The following TSHZ2 variants were observed in gnomAD, a reference collection of about 807,000 sequenced individuals.
The protein encoded by TSHZ2 is teashirt homolog 2.
A neutral mutation model predicts 74.4 loss-of-function variants in TSHZ2; 21 were observed. That is an observed-to-expected ratio of 0.28 (90% CI 0.20 to 0.41). The LOEUF (loss-of-function observed/expected upper bound fraction) is 0.41, where lower values mean the gene tolerates loss of function less well. TSHZ2 is among the 10% of genes least tolerant of loss of function. TSHZ2 has a pLI of 1.00. For synonymous variants in TSHZ2, 540 were observed against 515.3 expected (o/e 1.05, Z -0.65); for missense variants, 1,244 against 1,293.5 (o/e 0.96, Z 0.59).
At chr20:53,044,164 C>T (rs1015645016) in intron 1 of TSHZ2, among the ~76,000 whole-genome samples, 3 of 152,198 alleles carry the variant, frequency 2.0e-5, no homozygotes, top group African/African-American at 7.2e-5. Flanking sequence ...TTTTGGAATA[C>T]GTGCAAAGAG....
chr20:53,016,614 T>A (rs1383779308), intron 1 of TSHZ2, among the ~76,000 whole-genome samples: 1 of 152,176 alleles, frequency 6.6e-6, no homozygotes, highest in East Asian at 1.9e-4. Flanking sequence ...TCCAGAATTT[T>A]GTGAGAGGCT....
intron 1 of TSHZ2, among the ~76,000 whole-genome samples, chr20:53,028,089 G>A (rs1409863038): frequency 2.0e-5 from 3 of 152,178 alleles, no homozygotes; most frequent in Non-Finnish European, 4.4e-5. Flanking sequence ...ACAGAGTGCA[G>A]GAAATCCAGT....
At chr20:53,320,394 T>A (rs1979210324) in intron 2 of TSHZ2, among the ~76,000 whole-genome samples, 1 of 152,250 alleles carries the variant, frequency 6.6e-6, no homozygotes, top group Non-Finnish European at 1.5e-5. Context: ...GATTTTTGCC[T>A]CTGGGCAATA....
intron 1 of TSHZ2, among the ~76,000 whole-genome samples, chr20:53,040,098 C>G (rs1568731825): frequency 6.6e-6 from 1 of 152,082 alleles, no homozygotes; most frequent in African/African-American, 2.4e-5. Flanking sequence ...GAGCAAGACT[C>G]CGTCTAAAAA....
chr20:53,325,874 C>G (rs1979471920), intron 2 of TSHZ2, among the ~76,000 whole-genome samples: 1 of 152,136 alleles, frequency 6.6e-6, no homozygotes, highest in Non-Finnish European at 1.5e-5. Flanking sequence ...CTCCGCCTCC[C>G]AGGTTCAAGC....
chr20:53,282,498 T>C (rs1294901556), intron 2 of TSHZ2, among the ~76,000 whole-genome samples: 1 of 152,210 alleles, frequency 6.6e-6, no homozygotes, highest in Non-Finnish European at 1.5e-5. Context: ...GTAGCGATAT[T>C]ACCCCCATTT....
At chr20:53,259,023 G>C (rs531417202) in intron 2 of TSHZ2, among the ~76,000 whole-genome samples, 91 of 152,276 alleles carry the variant, frequency 6.0e-4, no homozygotes, top group African/African-American at 2.0e-3. Flanking sequence ...GATTCTTGGT[G>C]CTTTGGTCAC....
chr20:53,435,631 A>G (rs1252226830), intron 2 of TSHZ2, among the ~76,000 whole-genome samples: 2 of 152,200 alleles, frequency 1.3e-5, no homozygotes, highest in Non-Finnish European at 2.9e-5. Context: ...CTCCTGCCTC[A>G]GCCTCCTGAG....
intron 1 of TSHZ2, among the ~76,000 whole-genome samples, chr20:53,212,330 A>C (rs541394579): frequency 6.6e-6 from 1 of 152,346 alleles, no homozygotes; most frequent in Non-Finnish European, 1.5e-5. Context: ...AACTCTTGTC[A>C]TATGGTTTAT....
intron 1 of TSHZ2, among the ~76,000 whole-genome samples, chr20:53,111,658 G>C (rs1212526047): frequency 6.6e-6 from 1 of 152,158 alleles, no homozygotes; most frequent in East Asian, 1.9e-4. Context: ...ACTCCACCAG[G>C]GTTGATTCCA....
intron 1 of TSHZ2, among the ~76,000 whole-genome samples, chr20:53,187,779 A>G (rs2123531131): frequency 6.6e-6 from 1 of 152,206 alleles, no homozygotes; most frequent in African/African-American, 2.4e-5. Context: ...TTTTATTCAG[A>G]TGGAGCATTT....
chr20:53,468,944 C>A (rs1435852883), intron 2 of TSHZ2, among the ~76,000 whole-genome samples: 1 of 148,670 alleles, frequency 6.7e-6, no homozygotes, highest in Non-Finnish European at 1.5e-5. Flanking sequence ...TGATGAAGTA[C>A]CCCTTTGACA....
intron 2 of TSHZ2, among the ~76,000 whole-genome samples, chr20:53,419,094 A>G (rs1983375739): frequency 6.6e-6 from 1 of 152,182 alleles, no homozygotes; most frequent in Non-Finnish European, 1.5e-5. Flanking sequence ...GTTGGCGCTA[A>G]TTGTTAGATC....
chr20:53,058,714 G>A (rs1984724749), intron 1 of TSHZ2, among the ~76,000 whole-genome samples: 1 of 152,184 alleles, frequency 6.6e-6, no homozygotes, highest in South Asian at 2.1e-4. Context: ...AGTTTATTTT[G>A]CTTTTCTTGG....
At chr20:53,344,885 A>C (rs935775804) in intron 2 of TSHZ2, among the ~76,000 whole-genome samples, 1 of 152,212 alleles carries the variant, frequency 6.6e-6, no homozygotes, top group Non-Finnish European at 1.5e-5. Flanking sequence ...TTTGTTGAGC[A>C]CCTCCTATGA....
At position 53,192,511 on chromosome 20, in the gene TSHZ2, G is replaced by T. The variant is rs534857262; in HGVS notation, c.41-60988G>T. Reference sequence around the variant, plus strand: ...CATTTGGGAGCTGGAAAACCAATGAGATCTTTCCAATTTTAAGGTGAGCAC... The same window carrying T: ...CATTTGGGAGCTGGAAAACCAATGATATCTTTCCAATTTTAAGGTGAGCAC... On this transcript the variant is annotated intron_variant, in intron 1 of 2. Coordinates refer to ENST00000371497, the MANE Select transcript of TSHZ2 (RefSeq NM_173485.6). 2.0e-5 allele frequency among the ~76,000 whole-genome samples: 3 copies of T among 148,490 alleles called. No individual in the cohort carries two copies. In the South Asian group the frequency reaches 6.5e-4, roughly 32 times the overall value.
chr20:53,022,146 A>G (rs1354020883), intron 1 of TSHZ2, among the ~76,000 whole-genome samples: 1 of 152,208 alleles, frequency 6.6e-6, no homozygotes, highest in African/African-American at 2.4e-5. Flanking sequence ...GCAAAAAGAG[A>G]AACAGGATGA....
chr20:53,249,183 T>C (rs1019001919), intron 1 of TSHZ2, among the ~76,000 whole-genome samples: 2 of 152,202 alleles, frequency 1.3e-5, no homozygotes, highest in African/African-American at 4.8e-5. Context: ...TTAGCATGAT[T>C]GTAATTCACA....
chr20:53,295,636 A>G (rs897159572), intron 2 of TSHZ2, among the ~76,000 whole-genome samples: 1 of 152,248 alleles, frequency 6.6e-6, no homozygotes, highest in Admixed American at 6.5e-5. Context: ...AATGGAAACC[A>G]GTATAACTTA....
Sources: allele counts gnomAD v4.1 joint callset (sites outside exome capture counted in the v4.1 genomes callset), GRCh38; gene constraint gnomAD v4.1.1; transcripts MANE v1.5; gene names NCBI Gene and HGNC (gene_info 2026-07-23, HGNC 2026-07-21).